FRYL: variants seen among roughly 807,000 people sequenced by gnomAD.
The protein encoded by FRYL is FRY like transcription coactivator.
A neutral mutation model predicts 351.2 loss-of-function variants in FRYL; 150 were observed. That is an observed-to-expected ratio of 0.43 (90% confidence interval 0.37 to 0.49). The LOEUF is 0.49. FRYL is among the 20% of genes least tolerant of loss of function. The probability of loss-of-function intolerance (pLI) is 0.00; values close to 1 mark genes in which losing one functional copy is unlikely to be tolerated. For synonymous variants in FRYL, 1,153 were observed against 1,257.1 expected, an observed-to-expected ratio of 0.92 and a Z score of 1.75; for missense variants, 3,036 against 3,619.3, an observed-to-expected ratio of 0.84 and a Z score of 4.13.
chr4:48,668,400 A>C (rs77345075), intron 3 of FRYL, among the ~76,000 whole-genome samples: 1 of 151,638 alleles, frequency 6.6e-6, no homozygotes, highest in African/African-American at 2.4e-5. Flanking sequence ...AAAAAAAAAA[A>C]AAAGAAAGAA....
In FRYL at chr4:48,608,966, TG is replaced by T; in HGVS notation, c.572+20del. 1 of 1,479,814 alleles carries T rather than the reference TG, an allele frequency of 6.8e-7. No homozygotes were observed. The highest frequency in any genetic ancestry group is 9.4e-7 in the Non-Finnish European group (1 of 1,058,564). 91.7% of individuals were successfully genotyped at this position (1,479,814 alleles called of 1,614,324 possible). A position where few individuals can be genotyped will look rare whatever the true frequency, so the allele number is the denominator to read the frequency against. On this transcript the variant is annotated intron_variant, in intron 9 of 63. Transcript: ENST00000358350. Reference sequence around the variant, plus strand: ...TTCTAAAATGCAAAGAAAATCTAAATGGGTGATTTACAAAACTTACTTTGAT... The same window carrying T: ...TTCTAAAATGCAAAGAAAATCTAAATGGTGATTTACAAAACTTACTTTGAT...
chr4:48,617,495 C>G (rs1348011073), intron 7 of FRYL: 2 of 152,068 alleles, frequency 1.3e-5, no homozygotes, highest in African/African-American at 4.8e-5. Flanking sequence ...CCTACAGGCA[C>G]ATACCACCAC....
rs114351470 is a variant in FRYL at position 48,581,578 on chromosome 4, G to T, written c.2014C>A (p.Pro672Thr). 1.9e-4 allele frequency: 310 copies of T among 1,611,352 alleles called. 1 individual carries two copies. The African/African-American group carries it at 3.6e-3, about 19-fold the overall frequency. Residue 672 changes from proline (P) to threonine (T), a missense_variant, in exon 21 of 64, where the codon CCC (proline) becomes ACC (threonine). Pro to Thr is a conservative substitution (Grantham distance 38, BLOSUM62 -1). Around this residue, in one of 7 missense-constraint regions of FRYL, gnomAD observed 492 missense variants for 551.5 expected, o/e 0.89. Transcript: ENST00000358350. ...QHGVANGASH[P>T]PPLERSPYSN... ...TATGGGCTCCTTTCCAGAGGAGGGG[G>T]ATGAGAAGCTCCATTAGCTACACCA... is the stretch of plus-strand genomic sequence containing the variant.
At chr4:48,624,776 C>T (rs1223443397) in intron 4 of FRYL, among the ~76,000 whole-genome samples, 1 of 152,176 alleles carries the variant, frequency 6.6e-6, no homozygotes, top group Non-Finnish European at 1.5e-5. Flanking sequence ...ACATGTGAAT[C>T]AGGAGCCTGA....
chr4:48,703,794 G>C (rs530947576), intron 2 of FRYL, among the ~76,000 whole-genome samples: 1 of 152,278 alleles, frequency 6.6e-6, no homozygotes, highest in South Asian at 2.1e-4. Flanking sequence ...CATTCCCTGA[G>C]AGCTAGGATT....
intron 1 of FRYL, among the ~76,000 whole-genome samples, chr4:48,723,940 A>AAATAATAATAATAAT (rs35636867): frequency 7.1e-6 from 1 of 140,380 alleles, no homozygotes; most frequent in Non-Finnish European, 1.5e-5. Flanking sequence ...AAAATAAATA[A>AAATAATAATAATAAT]AATAATAATA....
chr4:48,728,270 A>C (rs1157727092), intron 1 of FRYL, among the ~76,000 whole-genome samples: 1 of 152,154 alleles, frequency 6.6e-6, no homozygotes, highest in African/African-American at 2.4e-5. Flanking sequence ...CATAGCAAAA[A>C]ATATATATAT....
At chr4:48,739,412 A>AG (rs1236633631) in intron 1 of FRYL, among the ~76,000 whole-genome samples, 1 of 146,924 alleles carries the variant, frequency 6.8e-6, no homozygotes, top group East Asian at 2.0e-4. Context: ...AAAAAAAAAA[A>AG]AAAAAAAAAC....
At chr4:48,726,398 G>A (rs1770089090) in intron 1 of FRYL, among the ~76,000 whole-genome samples, 1 of 152,140 alleles carries the variant, frequency 6.6e-6, no homozygotes. Flanking sequence ...TTCCACAGAT[G>A]CGGGCGGGTG....
intron 54 of FRYL, 98 bp downstream of exon 54, chr4:48,522,803 T>C: frequency 1.1e-6 from 1 of 882,464 alleles, no homozygotes. Flanking sequence ...CATTTCAGTG[T>C]GTGCATTTCA....
chr4:48,653,796 A>G, intron 3 of FRYL: 1 of 1,285,968 alleles, frequency 7.8e-7, no homozygotes, highest in Non-Finnish European at 1.0e-6. Context: ...TAGTGTCTCA[A>G]TCAGCTGCAA....
At chr4:48,592,082 T>TAATATATATATATA (rs888017807) in intron 16 of FRYL, among the ~76,000 whole-genome samples, 27 of 116,174 alleles carry the variant, frequency 2.3e-4, no homozygotes, top group African/African-American at 1.2e-3. Context: ...AATAAAGCTC[T>TAATATATATATATA]TATATATATA....
intron 59 of FRYL, among the ~76,000 whole-genome samples, chr4:48,509,844 GC>G (rs1162344663): frequency 6.6e-6 from 1 of 152,174 alleles, no homozygotes; most frequent in Non-Finnish European, 1.5e-5. Context: ...TTTTTACAAA[GC>G]TATGGTTTTC....
At chr4:48,704,464 T>C (rs1207595883) in intron 2 of FRYL, among the ~76,000 whole-genome samples, 3 of 152,106 alleles carry the variant, frequency 2.0e-5, no homozygotes, top group Non-Finnish European at 4.4e-5. Context: ...CAAAGAGGTA[T>C]AACTTCTTAT....
intron 1 of FRYL, among the ~76,000 whole-genome samples, chr4:48,772,488 T>G (rs930061773): frequency 7.9e-5 from 12 of 152,036 alleles, no homozygotes; most frequent in African/African-American, 2.7e-4. Flanking sequence ...AGGGATCAAG[T>G]TACACAGGAA....
chr4:48,564,189 G>A (rs555961496), intron 30 of FRYL, 87 bp from the exon 31 acceptor site: 3 of 1,282,892 alleles, frequency 2.3e-6, no homozygotes, highest in African/African-American at 1.5e-5. Flanking sequence ...GTAATATAGT[G>A]CATATATTCA....
At chr4:48,740,040 A>G (rs1771872606) in intron 1 of FRYL, among the ~76,000 whole-genome samples, 2 of 152,150 alleles carry the variant, frequency 1.3e-5, no homozygotes, top group South Asian at 4.1e-4. Context: ...AGCCTCTACA[A>G]CTGAGAAACA....
intron 59 of FRYL, 84 bp downstream of exon 59, chr4:48,509,975 T>C (rs1560510366): frequency 2.3e-6 from 2 of 863,384 alleles, no homozygotes; most frequent in East Asian, 5.0e-5. Flanking sequence ...GGTCTTCTTT[T>C]CTGTCTGGGC....
At chr4:48,519,507 T>A (rs78272265) in intron 55 of FRYL, among the ~76,000 whole-genome samples, 3,547 of 147,886 alleles carry the variant, frequency 0.024, 104 homozygotes, top group Admixed American at 0.096. Context: ...TTTTTTTTTT[T>A]AATTTTTTAT....
Sources: gnomAD v4.1 joint callset for allele counts (sites outside exome capture counted in the v4.1 genomes callset) on GRCh38, gnomAD v4.1.1 for gene constraint, gnomAD v4.1.1 regional missense constraint, MANE v1.5 for transcripts, NCBI Gene and HGNC (gene_info 2026-07-23, HGNC 2026-07-21) for gene names.